The following BMP10 variants were observed in gnomAD, a reference collection of about 807,000 sequenced individuals.
BMP10 encodes bone morphogenetic protein 10.
BMP10 carries 9 observed loss-of-function variants against 29.9 expected under a neutral mutation model. That is an observed-to-expected ratio of 0.30 (90% CI 0.18 to 0.53). The LOEUF (loss-of-function observed/expected upper bound fraction) is 0.53. Among genes scored for constraint, BMP10 ranks in the 20% least tolerant of loss-of-function variants. The pLI, the probability that BMP10 is intolerant of heterozygous loss-of-function variation, is 0.96. For missense variants in BMP10, 474 were observed against 524.3 expected (o/e 0.90, Z 0.94); for synonymous variants, 202 against 200.2 (o/e 1.01, Z -0.07).
In BMP10 at chr2:68,862,514, T is replaced by C. The variant is rs919178236; in HGVS notation, c.*3117A>G. On this transcript the variant is annotated 3_prime_UTR_variant, in exon 2 of 2. Transcript: ENST00000295379. ...GAAACTCTTACATGAATATTTTGGC[T>C]GTGGGCTGCCCAAGTCCCTCTGCTA... Among the ~76,000 whole-genome samples, 2 of 152,224 alleles carry C rather than the reference T, an allele frequency of 1.3e-5. No homozygotes were observed. Among genetic ancestry groups the C allele is most frequent in the African/African-American group, 4.8e-5 (2 of 41,454 alleles).
In BMP10 at chr2:68,865,470, A is replaced by C. The variant is rs1682933160; in HGVS notation, c.*161T>G. On this transcript the variant is annotated 3_prime_UTR_variant, in exon 2 of 2. Coordinates refer to ENST00000295379, the MANE Select transcript of BMP10 (RefSeq NM_014482.3). This position sits in a 1 kb window ranked among gnomAD's most constrained non-coding sequence, Gnocchi z 4.7. ...AGAGAAAACAGATTGAAAGGGACTT[A>C]ACTGGAGAGGAAAATATGCATTTCC... The C allele has an allele frequency of 2.8e-6, 2 of 723,288 alleles. No individual in the cohort carries two copies. Among genetic ancestry groups the C allele is most frequent in the Middle Eastern group, 4.0e-4 (1 of 2,486 alleles). 44.8% of individuals were successfully genotyped at this position (723,288 alleles called of 1,614,324 possible). A position where few individuals can be genotyped will look rare whatever the true frequency, so the allele number is the denominator to read the frequency against.
rs759534261 is a variant in BMP10 at position 68,871,063 on chromosome 2, A to T, written c.296T>A (p.Met99Lys). 36 of 1,614,030 alleles carry T rather than the reference A, an allele frequency of 2.2e-5. No homozygotes were observed. Among genetic ancestry groups the T allele is most frequent in the Non-Finnish European group, 3.0e-5 (35 of 1,179,986 alleles). ...ACTCCTAATGATGTTGGCAGAGGGC[A>T]TGGAGGTCCGATCTGTTGCAAATTT... ...YNKFATDRTS[M>K]PSANIIRSFK... Residue 99 changes from methionine to lysine, a missense_variant, in exon 1 of 2, where the codon ATG (methionine) becomes AAG (lysine). By Grantham distance (95) the Met-to-Lys change is moderately conservative. Around this residue, in one of 2 missense-constraint regions of BMP10, gnomAD observed 408 missense variants for 415.3 expected, o/e 0.98. Transcript: ENST00000295379.
At position 68,864,411 on chromosome 2, in the gene BMP10, A is replaced by T. The variant is rs966593002; in HGVS notation, c.*1220T>A. The stretch of plus-strand genomic sequence containing the variant: ...TATTATTAAAATAAAATCAAATTAA[A>T]TATCACGGGAAGATTTAGAAATTAG... On this transcript the variant is annotated 3_prime_UTR_variant, in exon 2 of 2. Coordinates refer to ENST00000295379, the MANE Select transcript of BMP10 (RefSeq NM_014482.3). Among the ~76,000 whole-genome samples, 1 of 152,224 alleles carries T rather than the reference A, an allele frequency of 6.6e-6. No individual in the cohort carries two copies. The highest frequency in any genetic ancestry group is 6.5e-5 in the Admixed American group (1 of 15,286).
At position 68,861,356 on chromosome 2, in the gene BMP10, A is replaced by G. The variant is rs1682850911; in HGVS notation, c.*4275T>C. Among the ~76,000 whole-genome samples the G allele has an allele frequency of 3.3e-5, 5 of 152,254 alleles. No individual in the cohort carries two copies. Among genetic ancestry groups the G allele is most frequent in the Non-Finnish European group, 4.4e-5 (3 of 68,040 alleles). On this transcript the variant is annotated 3_prime_UTR_variant, in exon 2 of 2. Transcript: ENST00000295379. ...ACCAGTGCCCATGTGTGATAAAAAC[A>G]TGCTGATCACAACAAACAGTTATTC...
chr2:68,867,543 G>A (rs529731887), intron 1 of BMP10, among the ~76,000 whole-genome samples: 100 of 152,284 alleles, frequency 6.6e-4, no homozygotes, highest in African/African-American at 2.4e-3. Flanking sequence ...AGTCTTAGAA[G>A]CATACTTCCA....
chr2:68,866,257 T>A lies in BMP10; in HGVS notation c.649A>T (p.Thr217Ser). 6.2e-7 allele frequency: 1 copy of A among 1,614,044 alleles called. No homozygotes were observed. Among genetic ancestry groups the A allele is most frequent in the Non-Finnish European group, 8.5e-7 (1 of 1,179,980 alleles). The change falls in exon 2 of 2, where the codon ACC (threonine) becomes TCC (serine). Residue 217 changes from threonine (T) to serine (S), a missense_variant. Around this residue, in one of 2 missense-constraint regions of BMP10, gnomAD observed 408 missense variants for 415.3 expected, o/e 0.98. Transcript: ENST00000295379. Reference sequence around the variant, plus strand: ...TCAATGTGGACCTCCAGCTGGTGGGTGGATGAGCCTGACTTTTGCCAACGT... The same window carrying A: ...TCAATGTGGACCTCCAGCTGGTGGGAGGATGAGCCTGACTTTTGCCAACGT... ...IRRWQKSGSS[T>S]HQLEVHIESK... is the part of the protein sequence containing the mutation.
intron 1 of BMP10, among the ~76,000 whole-genome samples, chr2:68,868,026 C>T (rs1401872272): frequency 6.6e-6 from 1 of 152,128 alleles, no homozygotes; most frequent in African/African-American, 2.4e-5. Context: ...TGCTGACCTA[C>T]AGAATAAATT....
chr2:68,865,084 C>T lies in BMP10; in HGVS notation c.*547G>A, dbSNP rs2103804103. ...TCCCTTCAAGCATCCTTTGCCAGGC[C>T]CCTCCTCTCTGAGCAACTACAGAAA... On this transcript the variant is annotated 3_prime_UTR_variant, in exon 2 of 2. Transcript: ENST00000295379. This position sits in a 1 kb window ranked among gnomAD's most constrained non-coding sequence, Gnocchi z 4.7. 6.6e-6 allele frequency among the ~76,000 whole-genome samples: 1 copy of T among 152,282 alleles called. No individual in the cohort carries two copies. The highest frequency in any genetic ancestry group is 2.4e-5 in the African/African-American group (1 of 41,552).
At chr2:68,868,417 A>G (rs1362019986) in intron 1 of BMP10, among the ~76,000 whole-genome samples, 3 of 152,140 alleles carry the variant, frequency 2.0e-5, no homozygotes, top group Non-Finnish European at 4.4e-5. Flanking sequence ...CTTGTCATTT[A>G]CGTCCTTATA....
At chr2:68,868,948 A>G (rs1283409907) in intron 1 of BMP10, among the ~76,000 whole-genome samples, 1 of 152,242 alleles carries the variant, frequency 6.6e-6, no homozygotes, top group Non-Finnish European at 1.5e-5. Context: ...TCATATTTTT[A>G]TAAGTCAAAT....
At chr2:68,866,599 G>T (rs754577705) in intron 1 of BMP10, 28 bp from the exon 2 acceptor site, 2 of 1,568,296 alleles carry the variant, frequency 1.3e-6, no homozygotes, top group South Asian at 2.3e-5. Context: ...CAAAAATCAG[G>T]TTTGCAGTGG....
rs1359151726 is a variant in BMP10, at chr2:68,861,098, C to T, written c.*4533G>A. Among the ~76,000 whole-genome samples, 2 of 152,184 alleles carry T rather than the reference C, an allele frequency of 1.3e-5. No individual in the cohort carries two copies. The highest frequency in any genetic ancestry group is 6.5e-5 in the Admixed American group (1 of 15,284). On this transcript the variant is annotated 3_prime_UTR_variant, in exon 2 of 2. Transcript: ENST00000295379. Reference sequence around the variant, plus strand: ...TACTTAAAAAGACTCTGAAGGTACACATTTGGTTCATGAACACAGGGTAAA... The same window carrying T: ...TACTTAAAAAGACTCTGAAGGTACATATTTGGTTCATGAACACAGGGTAAA...
chr2:68,862,728 C>T lies in BMP10; in HGVS notation c.*2903G>A, dbSNP rs904044519. On this transcript the variant is annotated 3_prime_UTR_variant, in exon 2 of 2. Transcript: ENST00000295379. ...TCAATGCAGGAGTTGAAAGTGACACCGGTGTGCTGCCGGGGTTCCGGTGGG... is the reference window on the plus strand; with the variant it reads ...TCAATGCAGGAGTTGAAAGTGACACTGGTGTGCTGCCGGGGTTCCGGTGGG... 6.6e-6 allele frequency among the ~76,000 whole-genome samples: 1 copy of T among 152,058 alleles called. No individual in the cohort carries two copies. Among genetic ancestry groups the T allele is most frequent in the African/African-American group, 2.4e-5 (1 of 41,398 alleles).
At position 68,862,605 on chromosome 2, in the gene BMP10, GA is replaced by G. The variant is rs1259625882; in HGVS notation, c.*3025del. 1.3e-5 allele frequency among the ~76,000 whole-genome samples: 2 copies of G among 152,174 alleles called. No individual in the cohort carries two copies. Among genetic ancestry groups the G allele is most frequent in the South Asian group, 2.1e-4 (1 of 4,828 alleles). On this transcript the variant is annotated 3_prime_UTR_variant, in exon 2 of 2. Transcript: ENST00000295379. ...GATGATAATTCTGCAATAAAAGGGG[GA>G]AAAAAACTGGCATGGGACCCAGAAG... is the stretch of plus-strand genomic sequence containing the variant.
chr2:68,865,805 T>C lies in BMP10; in HGVS notation c.1101A>G (p.Thr367=), dbSNP rs569393177. ...CCAAGGCCTGGATAATTGCATGCTTTGTGGGTGTGAGATGCTCTGCCAGGG... is the reference window on the plus strand; with the variant it reads ...CCAAGGCCTGGATAATTGCATGCTTCGTGGGTGTGAGATGCTCTGCCAGGG... ...NYPLAEHLTP[T]KHAIIQALVH... Residue 367 remains threonine (T), a synonymous_variant, in exon 2 of 2, where the codon ACA becomes ACG. Coordinates refer to ENST00000295379, the MANE Select transcript of BMP10 (RefSeq NM_014482.3). This position sits in a 1 kb window ranked among gnomAD's most constrained non-coding sequence, Gnocchi z 4.7. The C allele has an allele frequency of 1.9e-4, 302 of 1,614,132 alleles. 2 individuals are homozygous for C. In the South Asian group the frequency reaches 3.1e-3, roughly 17 times the overall value.
chr2:68,866,169 T>A lies in BMP10; in HGVS notation c.737A>T (p.Gln246Leu). The change falls in exon 2 of 2, where the codon CAG (glutamine) becomes CTG (leucine). Residue 246 changes from glutamine (Q) to leucine (L), a missense_variant. By Grantham distance (113) the Gln-to-Leu change is moderately radical. Transcript: ENST00000295379. ...GATGAGCAAAGGGTTATGCTTATTC[T>A]GGGCACTGGTATCTATTTCTAGCCG... ...SGRLEIDTSA[Q>L]NKHNPLLIVF... The A allele has an allele frequency of 6.2e-7, 1 of 1,614,082 alleles. No individual in the cohort carries two copies. Among genetic ancestry groups the A allele is most frequent in the Non-Finnish European group, 8.5e-7 (1 of 1,179,984 alleles).
chr2:68,866,126 T>C lies in BMP10; in HGVS notation c.780A>G (p.Gln260=), dbSNP rs572462822. ...NPLLIVFSDD[Q]SSDKERKEEL... ...CCTCCTTCCTCTCCTTGTCACTGCT[T>C]TGGTCATCAGAAAACACGATGAGCA... Residue 260 remains glutamine (Q), a synonymous_variant, in exon 2 of 2, where the codon CAA becomes CAG. Coordinates refer to ENST00000295379, the MANE Select transcript of BMP10 (RefSeq NM_014482.3). 3.7e-6 allele frequency: 6 copies of C among 1,614,086 alleles called. No individual in the cohort carries two copies. The South Asian group carries it at 6.6e-5, about 18-fold the overall frequency.
rs1682923832 is a variant in BMP10, at chr2:68,864,913, G to A, written c.*718C>T. Among the ~76,000 whole-genome samples the A allele has an allele frequency of 6.6e-6, 1 of 152,130 alleles. No homozygotes were observed. Among genetic ancestry groups the A allele is most frequent in the Non-Finnish European group, 1.5e-5 (1 of 68,022 alleles). On this transcript the variant is annotated 3_prime_UTR_variant, in exon 2 of 2. Transcript: ENST00000295379. ...TGGCCTTGCTTTCCTATTGTCTCAG[G>A]AACAGATTTCATGCTGGTTTCTTCT...
At position 68,862,356 on chromosome 2, in the gene BMP10, T is replaced by C. The variant is rs1682872800; in HGVS notation, c.*3275A>G. 6.6e-6 allele frequency among the ~76,000 whole-genome samples: 1 copy of C among 152,172 alleles called. No homozygotes were observed. The highest frequency in any genetic ancestry group is 6.5e-5 in the Admixed American group (1 of 15,276). Reference sequence around the variant, plus strand: ...AGATGGAAATACAGGCCATATATTATATGTGAGCCATACTCTGAAGCCCAG... The same window carrying C: ...AGATGGAAATACAGGCCATATATTACATGTGAGCCATACTCTGAAGCCCAG... On this transcript the variant is annotated 3_prime_UTR_variant, in exon 2 of 2. Transcript: ENST00000295379.
Sources: allele counts gnomAD v4.1 joint callset (sites outside exome capture counted in the v4.1 genomes callset), GRCh38; gene constraint gnomAD v4.1.1; regional missense constraint gnomAD v4.1.1; non-coding constraint Gnocchi (gnomAD v3.1); transcripts MANE v1.5; gene names NCBI Gene and HGNC (gene_info 2026-07-23, HGNC 2026-07-21).